Variants in PALM2AKAP2 observed in about 807,000 individuals in gnomAD.
The protein encoded by PALM2AKAP2 is PALM2-AKAP2 fusion protein.
A neutral mutation model predicts 71.5 loss-of-function variants in PALM2AKAP2; 37 were observed. The observed-to-expected ratio is 0.52, with a 90% confidence interval of 0.40 to 0.68. The LOEUF is 0.68. PALM2AKAP2 is among the 30% of genes least tolerant of loss of function. The pLI is 0.00. For missense variants in PALM2AKAP2, 1,224 were observed against 1,191.8 expected (o/e 1.03, Z -0.40); for synonymous variants, 468 against 478.8 (o/e 0.98, Z 0.29).
chr9:109,719,129 G>A (rs1828369762), intron 1 of PALM2AKAP2, among the ~76,000 whole-genome samples: 3 of 152,260 alleles, frequency 2.0e-5, no homozygotes, highest in South Asian at 4.2e-4. Flanking sequence ...CACTGATTGA[G>A]CCTGGAAATT....
chr9:109,943,284 C>A, intron 6 of PALM2AKAP2: 1 of 1,614,196 alleles, frequency 6.2e-7, no homozygotes, highest in Non-Finnish European at 8.5e-7. Context: ...TTGACGGGAA[C>A]GCGGCTGAGC....
intron 1 of PALM2AKAP2, chr9:110,048,875 A>AG: frequency 6.6e-7 from 1 of 1,521,654 alleles, no homozygotes; most frequent in Non-Finnish European, 8.8e-7. Context: ...CAAGCTGGGG[A>AG]GGGGAGGGGC....
intron 1 of PALM2AKAP2, among the ~76,000 whole-genome samples, chr9:109,647,534 T>C (rs1827171609): frequency 6.6e-6 from 1 of 152,206 alleles, no homozygotes; most frequent in South Asian, 2.1e-4. Flanking sequence ...CCTCCGGAAG[T>C]ATTGTATCCC....
At chr9:110,134,111 C>CT (rs976775741) in intron 1 of PALM2AKAP2, among the ~76,000 whole-genome samples, 4 of 152,062 alleles carry the variant, frequency 2.6e-5, no homozygotes, top group African/African-American at 9.7e-5. Context: ...TAGCGAGACT[C>CT]TATCTCTACA....
intron 6 of PALM2AKAP2, among the ~76,000 whole-genome samples, chr9:109,974,073 A>G (rs1401865921): frequency 1.3e-5 from 2 of 152,214 alleles, no homozygotes; most frequent in East Asian, 1.9e-4. Context: ...ATGTGCTTCT[A>G]TGAGGGAGAT....
At chr9:109,715,193 C>A (rs1828298509) in intron 1 of PALM2AKAP2, among the ~76,000 whole-genome samples, 1 of 152,198 alleles carries the variant, frequency 6.6e-6, no homozygotes, top group African/African-American at 2.4e-5. Context: ...TTTATTTATA[C>A]AAATTCTAAT....
intron 1 of PALM2AKAP2, among the ~76,000 whole-genome samples, chr9:110,077,295 C>G (rs780780203): frequency 6.6e-6 from 1 of 152,108 alleles, no homozygotes; most frequent in Non-Finnish European, 1.5e-5. Flanking sequence ...AAATAGGAAG[C>G]CTTTAGCATG....
At chr9:109,986,148 G>A (rs1371278849) in intron 6 of PALM2AKAP2, among the ~76,000 whole-genome samples, 1 of 152,184 alleles carries the variant, frequency 6.6e-6, no homozygotes, top group Non-Finnish European at 1.5e-5. Context: ...TAAAGCCTTG[G>A]TATAGTGTGT....
chr9:109,729,277 G>C lies in PALM2AKAP2; in HGVS notation c.6-51211G>C, dbSNP rs146384907. ...AGCCTCCAGTAGTCCCCTCCAACTTGATGTGTCCTAAAGTGGGTGCTGGGT... is the reference window on the plus strand; with the variant it reads ...AGCCTCCAGTAGTCCCCTCCAACTTCATGTGTCCTAAAGTGGGTGCTGGGT... On this transcript the variant is annotated intron_variant, in intron 1 of 6. Coordinates refer to the PALM2AKAP2 transcript ENST00000374531. Among the ~76,000 whole-genome samples, 69 of 152,258 alleles carry C rather than the reference G, an allele frequency of 4.5e-4. No homozygotes were observed. In the East Asian group the frequency reaches 0.011, roughly 25 times the overall value.
chr9:109,823,890 ACC>A (rs1828075758), intron 1 of PALM2AKAP2, among the ~76,000 whole-genome samples: 1 of 152,096 alleles, frequency 6.6e-6, no homozygotes, highest in African/African-American at 2.4e-5. Context: ...AAGCCTTTGA[ACC>A]ACACTTTATT....
At chr9:109,656,611 C>T (rs1487314819) in intron 1 of PALM2AKAP2, among the ~76,000 whole-genome samples, 3 of 152,094 alleles carry the variant, frequency 2.0e-5, no homozygotes, top group Non-Finnish European at 4.4e-5. Context: ...AGGAGTTACA[C>T]AATCTGATAT....
At chr9:110,132,254 C>T (rs1835751172) in intron 1 of PALM2AKAP2, among the ~76,000 whole-genome samples, 1 of 152,138 alleles carries the variant, frequency 6.6e-6, no homozygotes. Flanking sequence ...GGGGTTTCAC[C>T]ATGTTGGCCA....
At chr9:110,016,257 T>C (rs1159423387) in intron 7 of PALM2AKAP2, among the ~76,000 whole-genome samples, 1 of 152,166 alleles carries the variant, frequency 6.6e-6, no homozygotes, top group Non-Finnish European at 1.5e-5. Context: ...CGACCTCGTC[T>C]GAAACTTGGG....
chr9:110,159,733 C>G (rs539683373), intron 3 of PALM2AKAP2, among the ~76,000 whole-genome samples: 1 of 152,170 alleles, frequency 6.6e-6, no homozygotes, highest in Non-Finnish European at 1.5e-5. Flanking sequence ...CAGTGTCCCC[C>G]GAGCCCCCAT....
upstream of PALM2AKAP2, among the ~76,000 whole-genome samples, chr9:109,776,413 T>C (rs567386515): frequency 1.3e-3 from 193 of 152,170 alleles, 1 homozygote; most frequent in African/African-American, 4.4e-3. Flanking sequence ...AAGAATGAAA[T>C]GAAATTGTAT....
At chr9:109,648,822 G>T (rs1564100964) in intron 1 of PALM2AKAP2, among the ~76,000 whole-genome samples, 1 of 152,296 alleles carries the variant, frequency 6.6e-6, no homozygotes, top group East Asian at 1.9e-4. Flanking sequence ...AGTTAAAAGG[G>T]TTTGTTTTCA....
intron 1 of PALM2AKAP2, among the ~76,000 whole-genome samples, chr9:109,662,401 CT>C (rs1431490516): frequency 6.6e-6 from 1 of 152,100 alleles, no homozygotes; most frequent in African/African-American, 2.4e-5. Flanking sequence ...TGTCAAAGGC[CT>C]TTTCTGCATC....
intron 1 of PALM2AKAP2, among the ~76,000 whole-genome samples, chr9:109,774,583 A>G (rs1829322674): frequency 6.6e-6 from 1 of 152,202 alleles, no homozygotes. Context: ...GACATAGGGC[A>G]GAATCCTCTT....
intron 1 of PALM2AKAP2, among the ~76,000 whole-genome samples, chr9:109,647,057 C>T (rs764469009): frequency 8.5e-5 from 13 of 152,230 alleles, no homozygotes; most frequent in South Asian, 2.1e-4. Context: ...TTACCATGAA[C>T]GCTTGGGAAA....
Sources: gnomAD v4.1 joint callset for allele counts (sites outside exome capture counted in the v4.1 genomes callset) on GRCh38, gnomAD v4.1.1 for gene constraint, MANE v1.5 for transcripts, NCBI Gene and HGNC (gene_info 2026-07-23, HGNC 2026-07-21) for gene names.